ADCY2: variants seen among roughly 807,000 people sequenced by gnomAD.
ADCY2 encodes the protein adenylate cyclase 2.
ADCY2 carries 31 observed loss-of-function variants against 125.2 expected under a neutral mutation model. That is an observed-to-expected ratio of 0.25 (90% CI 0.19 to 0.33). ADCY2 has a LOEUF of 0.33. Among genes scored for constraint, ADCY2 ranks in the 10% least tolerant of loss-of-function variants. ADCY2 has a pLI of 1.00. For missense variants in ADCY2, 904 were observed against 1,418.2 expected (o/e 0.64, Z 5.82); for synonymous variants, 512 against 548.4 (o/e 0.93, Z 0.93).
chr5:7,571,744 G>A (rs73048137), intron 3 of ADCY2, among the ~76,000 whole-genome samples: 4,262 of 152,080 alleles, frequency 0.028, 188 homozygotes, highest in African/African-American at 0.097. Flanking sequence ...TCACCCAAGT[G>A]TTAAGCTTAG....
chr5:7,635,181 C>G (rs1211172249), intron 4 of ADCY2, among the ~76,000 whole-genome samples: 13 of 152,082 alleles, frequency 8.5e-5, no homozygotes, highest in Admixed American at 8.5e-4. Flanking sequence ...AGTGGGAAGT[C>G]ACTGAAGGGT....
rs138174578 is a variant in ADCY2, at chr5:7,617,857, A to G, written c.571-8310A>G. Among the ~76,000 whole-genome samples, 723 of 152,314 alleles carry G rather than the reference A, an allele frequency of 4.7e-3. 10 individuals carry two copies. Among genetic ancestry groups the G allele is most frequent in the African/African-American group, 0.017 (702 of 41,558 alleles). On this transcript the variant is annotated intron_variant, in intron 3 of 24. Coordinates refer to ENST00000338316, the MANE Select transcript of ADCY2 (RefSeq NM_020546.3). The stretch of plus-strand genomic sequence containing the variant: ...CTATCAAGGGAAGCAGTGGCCAGGC[A>G]TGCTCTTTCCTAATGAATATGATTA...
At chr5:7,414,218 TC>T (rs1243900531) in intron 1 of ADCY2, among the ~76,000 whole-genome samples, 1 of 152,226 alleles carries the variant, frequency 6.6e-6, no homozygotes, top group African/African-American at 2.4e-5. Flanking sequence ...GTTTTTCTGC[TC>T]CTCTGATTTA....
Position 7,766,784 on chromosome 5 carries a change from C to T in ADCY2, c.2192C>T (p.Ala731Val), listed in dbSNP as rs369487048. The T allele has an allele frequency of 1.9e-5, 30 of 1,608,490 alleles. No homozygotes were observed. The highest frequency in any genetic ancestry group is 1.6e-4 in the African/African-American group (12 of 74,440). Residue 731 changes from alanine to valine, a missense_variant, in exon 17 of 25, where the codon GCG becomes GTG. Ala to Val is a moderately conservative substitution (Grantham distance 64). Coordinates refer to ENST00000338316, the MANE Select transcript of ADCY2 (RefSeq NM_020546.3). ...AATAATCAGGTGGCGATTCTGCGTG[C>T]GCAGAATTTATTTTTCCTCCCGGTA... The part of the protein sequence containing the change: ...ASNNQVAILR[A>V]QNLFFLPYFI...
chr5:7,754,160 A>G (rs777695309), intron 15 of ADCY2, among the ~76,000 whole-genome samples: 6 of 152,196 alleles, frequency 3.9e-5, no homozygotes, highest in African/African-American at 1.4e-4. Flanking sequence ...ACAGAAAAAA[A>G]TTCCTGCATA....
chr5:7,502,554 C>T (rs562197847), intron 2 of ADCY2, among the ~76,000 whole-genome samples: 20 of 152,070 alleles, frequency 1.3e-4, no homozygotes, highest in South Asian at 4.2e-4. Context: ...CCCTGATGGC[C>T]GATGATACCA....
chr5:7,673,261 A>ATATATATATAT (rs1579301382), intron 4 of ADCY2, among the ~76,000 whole-genome samples: 2 of 7,570 alleles, frequency 2.6e-4, no homozygotes, highest in East Asian at 3.2e-3. Flanking sequence ...AAAAAAAAAA[A>ATATATATATAT]AAAAAAAAAT....
chr5:7,701,936 T>A lies in ADCY2; in HGVS notation c.1109+3562T>A, dbSNP rs556427032. 4.0e-5 allele frequency among the ~76,000 whole-genome samples: 6 copies of A among 151,872 alleles called. No homozygotes were observed. In the South Asian group the frequency reaches 1.2e-3, roughly 31 times the overall value. On this transcript the variant is annotated intron_variant, in intron 7 of 24. Coordinates refer to ENST00000338316, the MANE Select transcript of ADCY2 (RefSeq NM_020546.3). ...TTATGTGTGCAGAATCTCAGTAATGTCAACAGGTTTGAGGGACCTCTCCCA... is the reference window on the plus strand; with the variant it reads ...TTATGTGTGCAGAATCTCAGTAATGACAACAGGTTTGAGGGACCTCTCCCA...
chr5:7,490,350 A>G (rs968854790), intron 2 of ADCY2, among the ~76,000 whole-genome samples: 25 of 152,130 alleles, frequency 1.6e-4, no homozygotes, highest in African/African-American at 5.1e-4. Context: ...ATTCATTGCA[A>G]GCTGATTACT....
chr5:7,548,586 A>G (rs945767761), intron 3 of ADCY2, among the ~76,000 whole-genome samples: 1 of 151,606 alleles, frequency 6.6e-6, no homozygotes, highest in African/African-American at 2.4e-5. Flanking sequence ...TGCACCAGCA[A>G]CTCCTAATTA....
chr5:7,573,392 G>A (rs1579587207), intron 3 of ADCY2, among the ~76,000 whole-genome samples: 2 of 152,246 alleles, frequency 1.3e-5, no homozygotes, highest in South Asian at 2.1e-4. Context: ...TCCGTGGAGG[G>A]TGACTGGAGT....
rs532190517 is a variant in ADCY2, at chr5:7,506,186, C to G, written c.409-14552C>G. Among the ~76,000 whole-genome samples the G allele has an allele frequency of 4.7e-4, 72 of 152,182 alleles. 1 individual carries two copies. The highest frequency in any genetic ancestry group is 1.7e-3 in the African/African-American group (71 of 41,520). On this transcript the variant is annotated intron_variant, in intron 2 of 24. Transcript: ENST00000338316. ...CATAGTCTATTAGCCATAGATTCAG[C>G]CTAGTATGGTGCCAAACACTCAACA...
chr5:7,437,293 C>G (rs1740841602), intron 2 of ADCY2, among the ~76,000 whole-genome samples: 1 of 152,138 alleles, frequency 6.6e-6, no homozygotes, highest in Non-Finnish European at 1.5e-5. Context: ...TTTGCAAACC[C>G]AACTTTAAGA....
intron 20 of ADCY2, chr5:7,796,275 T>C (rs1319695194): frequency 6.6e-6 from 1 of 152,186 alleles, no homozygotes; most frequent in African/African-American, 2.4e-5. Flanking sequence ...GGGAGGCAGT[T>C]CCATTCCTCT....
chr5:7,612,618 T>C (rs1737603495), intron 3 of ADCY2, among the ~76,000 whole-genome samples: 2 of 152,274 alleles, frequency 1.3e-5, no homozygotes, highest in East Asian at 1.9e-4. Flanking sequence ...ACAGGAGTCG[T>C]TGGCTGCTCC....
At chr5:7,501,869 A>C (rs1387884080) in intron 2 of ADCY2, among the ~76,000 whole-genome samples, 1 of 152,032 alleles carries the variant, frequency 6.6e-6, no homozygotes. Flanking sequence ...GTCCACTAAC[A>C]GGAGGACCCA....
At chr5:7,484,753 C>T (rs1455930764) in intron 2 of ADCY2, among the ~76,000 whole-genome samples, 1 of 152,100 alleles carries the variant, frequency 6.6e-6, no homozygotes, top group African/African-American at 2.4e-5. Flanking sequence ...TCTCAGCTAC[C>T]CAGCTGTTTT....
At chr5:7,656,195 C>T (rs1355979294) in intron 4 of ADCY2, among the ~76,000 whole-genome samples, 1 of 152,010 alleles carries the variant, frequency 6.6e-6, no homozygotes, top group Non-Finnish European at 1.5e-5. Flanking sequence ...ACTGGGATTA[C>T]AGGCATGTGC....
intron 3 of ADCY2, among the ~76,000 whole-genome samples, chr5:7,544,013 C>CAAA (rs57983443): frequency 6.2e-4 from 44 of 70,658 alleles, no homozygotes; most frequent in Admixed American, 1.0e-3. Flanking sequence ...GACTCCGTCT[C>CAAA]AAAAAAAAAA....
Sources: allele counts gnomAD v4.1 joint callset (sites outside exome capture counted in the v4.1 genomes callset), GRCh38; gene constraint gnomAD v4.1.1; transcripts MANE v1.5; gene names NCBI Gene and HGNC (gene_info 2026-07-23, HGNC 2026-07-21).